The following C1QTNF3 variants were observed in gnomAD, a reference collection of about 807,000 sequenced individuals.
C1QTNF3 encodes the protein C1q and TNF related 3, also known as complement C1q tumor necrosis factor-related protein 3.
Under a neutral mutation model 32.6 loss-of-function variants are expected in C1QTNF3, and 26 were observed. The ratio of observed to expected loss-of-function variants is 0.80; its 90% CI spans 0.58 to 1.11. C1QTNF3 has a LOEUF of 1.11. C1QTNF3 is among the 50% of genes least tolerant of loss of function. The probability of loss-of-function intolerance (pLI) is 0.00; values close to 1 mark genes in which losing one functional copy is unlikely to be tolerated. For missense variants in C1QTNF3, 362 were observed against 398.2 expected (o/e 0.91, Z 0.77); for synonymous variants, 155 against 146.0 (o/e 1.06, Z -0.44).
chr5:34,193,779 A>T, the C1QTNF3 span: 5 of 487,182 alleles, frequency 1.0e-5, no homozygotes, highest in East Asian at 3.0e-4. Flanking sequence ...CTGAAGAAGA[A>T]TGTTCATTAC....
chr5:34,100,915 T>C, the C1QTNF3 span, among the ~76,000 whole-genome samples: 4 of 152,006 alleles, frequency 2.6e-5, no homozygotes, highest in South Asian at 6.2e-4. Context: ...ATCATTCATA[T>C]TTATTATTTC....
upstream of C1QTNF3, among the ~76,000 whole-genome samples, chr5:34,044,660 G>C (rs1383111283): frequency 6.6e-6 from 1 of 152,156 alleles, no homozygotes. Flanking sequence ...AAAGGGTTTG[G>C]TGCTGGGGAC....
chr5:34,094,017 C>G, the C1QTNF3 span, among the ~76,000 whole-genome samples: 1 of 152,172 alleles, frequency 6.6e-6, no homozygotes, highest in African/African-American at 2.4e-5. Flanking sequence ...AGCTAAGGAG[C>G]AATCCTGCAT....
chr5:34,117,543 C>A, the C1QTNF3 span, among the ~76,000 whole-genome samples: 1 of 151,914 alleles, frequency 6.6e-6, no homozygotes, highest in Non-Finnish European at 1.5e-5. Context: ...CGCCTATAAT[C>A]CCAGCAATTC....
At chr5:34,068,566 TA>T in the C1QTNF3 span, among the ~76,000 whole-genome samples, 1 of 151,988 alleles carries the variant, frequency 6.6e-6, no homozygotes, top group Non-Finnish European at 1.5e-5. Flanking sequence ...GAGAGAGATT[TA>T]ATTCAACATA....
At chr5:34,240,792 C>A in the C1QTNF3 span, among the ~76,000 whole-genome samples, 2 of 152,156 alleles carry the variant, frequency 1.3e-5, no homozygotes, top group African/African-American at 4.8e-5. Flanking sequence ...CAGCTTAATA[C>A]CAAAACCTGG....
At chr5:34,128,839 C>G in the C1QTNF3 span, among the ~76,000 whole-genome samples, 1 of 152,116 alleles carries the variant, frequency 6.6e-6, no homozygotes, top group Non-Finnish European at 1.5e-5. Flanking sequence ...TTGGACTGGA[C>G]TTTTGGTTTA....
the C1QTNF3 span, among the ~76,000 whole-genome samples, chr5:34,059,119 C>T: frequency 6.6e-6 from 1 of 152,208 alleles, no homozygotes; most frequent in Admixed American, 6.5e-5. Flanking sequence ...GTATGACAGA[C>T]TGGGAAGCTT....
At chr5:34,122,365 T>C in the C1QTNF3 span, among the ~76,000 whole-genome samples, 33 of 152,172 alleles carry the variant, frequency 2.2e-4, no homozygotes, top group Admixed American at 1.2e-3. Flanking sequence ...GTCACACTGA[T>C]GAAGTTTCAG....
At chr5:34,161,428 T>TA in the C1QTNF3 span, among the ~76,000 whole-genome samples, 7,275 of 151,966 alleles carry the variant, frequency 0.048, 244 homozygotes, top group Non-Finnish European at 0.074. Flanking sequence ...TTTCAATTGT[T>TA]AAAAAAAATT....
At chr5:34,026,497 A>G (rs1451417465) in intron 4 of C1QTNF3, among the ~76,000 whole-genome samples, 2 of 151,954 alleles carry the variant, frequency 1.3e-5, no homozygotes, top group Non-Finnish European at 2.9e-5. Context: ...AAGAAAGAAA[A>G]AAAAAGTCTC....
Position 34,020,722 on chromosome 5 carries a change from G to A in C1QTNF3, c.821C>T (p.Ser274Leu). 6.2e-7 allele frequency: 1 copy of A among 1,613,026 alleles called. No homozygotes were observed. Among genetic ancestry groups the A allele is most frequent in the Non-Finnish European group, 8.5e-7 (1 of 1,179,390 alleles). Residue 274 changes from serine (S) to leucine (L), a missense_variant, in exon 6 of 6, where the codon TCA becomes TTA. Physicochemically the swap from Ser to Leu is moderately radical, Grantham distance 145. Coordinates refer to ENST00000382065, the MANE Select transcript of C1QTNF3 (RefSeq NM_181435.6). ...SMYSYEMKGK[S>L]DTSSNHAVLK... ...CACAGCATGATTGCTGGATGTATCT[G>A]ATTTGCCCTTCATTTCATAGCTGGA...
chr5:34,115,494 G>T, the C1QTNF3 span, among the ~76,000 whole-genome samples: 4 of 152,218 alleles, frequency 2.6e-5, no homozygotes, highest in African/African-American at 9.6e-5. Context: ...ACTTTGGGAG[G>T]CCTAGGCGGG....
At chr5:34,097,208 A>C in the C1QTNF3 span, among the ~76,000 whole-genome samples, 1 of 151,976 alleles carries the variant, frequency 6.6e-6, no homozygotes, top group Non-Finnish European at 1.5e-5. Flanking sequence ...GCACAAAAAA[A>C]AAACCGAAAC....
the C1QTNF3 span, among the ~76,000 whole-genome samples, chr5:34,062,864 TCTG>T: frequency 1.3e-5 from 2 of 152,258 alleles, no homozygotes; most frequent in African/African-American, 2.4e-5. Context: ...AAGCTACCTT[TCTG>T]CTTTTTTGAC....
the C1QTNF3 span, among the ~76,000 whole-genome samples, chr5:34,161,039 T>C: frequency 2.0e-5 from 3 of 152,216 alleles, no homozygotes; most frequent in Non-Finnish European, 4.4e-5. Context: ...TGGGCATACT[T>C]CTGTCAGACA....
At chr5:34,021,728 C>A (rs915523222) in intron 5 of C1QTNF3, among the ~76,000 whole-genome samples, 1 of 152,074 alleles carries the variant, frequency 6.6e-6, no homozygotes, top group Non-Finnish European at 1.5e-5. Context: ...AACACATGGA[C>A]ACATGGAGGG....
chr5:34,048,712 T>C, the C1QTNF3 span, among the ~76,000 whole-genome samples: 1 of 148,540 alleles, frequency 6.7e-6, no homozygotes, highest in Non-Finnish European at 1.5e-5. Context: ...AAAGAGCAAG[T>C]GCCTTCTACA....
the C1QTNF3 span, among the ~76,000 whole-genome samples, chr5:34,155,065 G>A: frequency 6.6e-6 from 1 of 152,134 alleles, no homozygotes; most frequent in Non-Finnish European, 1.5e-5. Flanking sequence ...GATATCATGA[G>A]AATAATTAAA....
Sources: allele counts gnomAD v4.1 joint callset (sites outside exome capture counted in the v4.1 genomes callset), GRCh38; gene constraint gnomAD v4.1.1; transcripts MANE v1.5; gene names NCBI Gene and HGNC (gene_info 2026-07-23, HGNC 2026-07-21).